Variants in ARMC2 observed in about 807,000 individuals in gnomAD.
ARMC2 encodes armadillo repeat containing 2, also known as armadillo repeat-containing protein 2.
ARMC2 carries 67 observed loss-of-function variants against 90.3 expected under a neutral mutation model. That is an observed-to-expected ratio of 0.74 (90% CI 0.61 to 0.91). ARMC2 has a LOEUF of 0.91. ARMC2 is among the 40% of genes least tolerant of loss of function. The pLI is 0.00. For synonymous variants in ARMC2, 393 were observed against 393.0 expected (o/e 1.00, Z 0.00); for missense variants, 920 against 1,030.9 (o/e 0.89, Z 1.47).
At position 108,893,463 on chromosome 6, in the gene ARMC2, C is replaced by T. The variant is rs180717961; in HGVS notation, c.672-1004C>T. ...GGACAGTTTCTTTATCTGCAGGGAT[C>T]GGGGAAGGGAGGAAGAGAGAAAAAG... On this transcript the variant is annotated intron_variant, in intron 5 of 17. Coordinates refer to ENST00000392644, the MANE Select transcript of ARMC2 (RefSeq NM_032131.6). Among the ~76,000 whole-genome samples the T allele has an allele frequency of 4.2e-3, 633 of 152,202 alleles. 3 individuals are homozygous for T. The highest frequency in any genetic ancestry group is 0.014 in the African/African-American group (593 of 41,520).
In ARMC2 at chr6:108,961,710, G is replaced by T. The variant is rs746962220; in HGVS notation, c.2038+16G>T. ...ATTGCTGAATGTAAGGTTCAGAGTT[G>T]GATTTGGATAAATGAGTGCTCATTT... is the stretch of plus-strand genomic sequence containing the variant. On this transcript the variant is annotated intron_variant, in intron 14 of 17. Coordinates refer to ENST00000392644, the MANE Select transcript of ARMC2 (RefSeq NM_032131.6). 3.2e-6 allele frequency: 5 copies of T among 1,576,418 alleles called. No individual in the cohort carries two copies. Among genetic ancestry groups the T allele is most frequent in the South Asian group, 1.2e-5 (1 of 86,662 alleles).
At chr6:108,932,669 T>C (rs2356721) in intron 11 of ARMC2, among the ~76,000 whole-genome samples, 37,655 of 150,614 alleles carry the variant, frequency 0.25, 5,117 homozygotes, top group East Asian at 0.4. Context: ...GCTGGGACTA[T>C]AGGTGCCCAC....
chr6:108,899,875 C>A, intron 7 of ARMC2, 83 bp downstream of exon 7: 5 of 1,008,206 alleles, frequency 5.0e-6, no homozygotes, highest in South Asian at 4.6e-5. Flanking sequence ...TTCCCCATTG[C>A]CCTGATATTT....
At chr6:108,996,487 A>G in the ARMC2 span, among the ~76,000 whole-genome samples, 4 of 152,266 alleles carry the variant, frequency 2.6e-5, no homozygotes, top group East Asian at 7.7e-4. Context: ...TCTGTCACTA[A>G]TTTATTTTGT....
intron 11 of ARMC2, among the ~76,000 whole-genome samples, chr6:108,936,468 C>A (rs1199116750): frequency 6.6e-6 from 1 of 152,104 alleles, no homozygotes; most frequent in Non-Finnish European, 1.5e-5. Flanking sequence ...GTTGGCCAGG[C>A]TCGTCTTGAG....
At chr6:108,871,404 G>T (rs759876564) in intron 4 of ARMC2, among the ~76,000 whole-genome samples, 1 of 152,082 alleles carries the variant, frequency 6.6e-6, no homozygotes, top group Non-Finnish European at 1.5e-5. Context: ...CCCGAGTCCC[G>T]TGTCAGCTCA....
intron 4 of ARMC2, among the ~76,000 whole-genome samples, chr6:108,870,924 A>C (rs1445578822): frequency 6.6e-6 from 1 of 152,214 alleles, no homozygotes; most frequent in Non-Finnish European, 1.5e-5. Context: ...AGTGCTGATG[A>C]ATGCTCTGAA....
chr6:108,964,127 C>T, intron 15 of ARMC2, 53 bp from the exon 16 acceptor site: 1 of 1,579,090 alleles, frequency 6.3e-7, no homozygotes, highest in South Asian at 1.2e-5. Context: ...AAACAAGAGA[C>T]AGCTGGGAAT....
the ARMC2 span, among the ~76,000 whole-genome samples, chr6:108,983,417 G>C: frequency 3.6e-4 from 55 of 151,984 alleles, no homozygotes; most frequent in African/African-American, 1.3e-3. Flanking sequence ...CTTACATTTA[G>C]GTCTTTGAGT....
At chr6:108,963,707 TG>T (rs1208786453) in intron 15 of ARMC2, among the ~76,000 whole-genome samples, 2 of 152,228 alleles carry the variant, frequency 1.3e-5, no homozygotes, top group Non-Finnish European at 2.9e-5. Context: ...CTGGAAGGCC[TG>T]CCTTGCCCCA....
chr6:108,855,510 C>G (rs1774479201), intron 2 of ARMC2, among the ~76,000 whole-genome samples: 1 of 152,182 alleles, frequency 6.6e-6, no homozygotes, highest in African/African-American at 2.4e-5. Context: ...CTCTGCCTCC[C>G]AAAGTGCTGG....
intron 10 of ARMC2, 48 bp from the exon 11 acceptor site, chr6:108,928,040 A>G: frequency 6.5e-7 from 1 of 1,542,256 alleles, no homozygotes. Context: ...TCGTGTGGTT[A>G]TATTTTTTCA....
the ARMC2 span, among the ~76,000 whole-genome samples, chr6:109,047,371 C>T: frequency 7.3e-6 from 1 of 137,876 alleles, no homozygotes; most frequent in Non-Finnish European, 1.6e-5. Flanking sequence ...GCCCGGCCAG[C>T]CGCCCCGTCC....
At chr6:108,860,937 A>G (rs551716807) in intron 3 of ARMC2, among the ~76,000 whole-genome samples, 5 of 152,330 alleles carry the variant, frequency 3.3e-5, no homozygotes, top group Non-Finnish European at 7.4e-5. Context: ...TAAATATTCA[A>G]TTAACATCCA....
At chr6:108,969,278 T>A (rs1778594620) in intron 17 of ARMC2, among the ~76,000 whole-genome samples, 1 of 152,168 alleles carries the variant, frequency 6.6e-6, no homozygotes, top group African/African-American at 2.4e-5. Flanking sequence ...CGATGATAAA[T>A]CCCTTAAACA....
chr6:108,884,418 G>A (rs1777881132), intron 5 of ARMC2, among the ~76,000 whole-genome samples: 1 of 152,172 alleles, frequency 6.6e-6, no homozygotes, highest in Non-Finnish European at 1.5e-5. Flanking sequence ...CTCAAATGCT[G>A]GAGGAAAGAA....
intron 4 of ARMC2, among the ~76,000 whole-genome samples, chr6:108,870,703 T>G (rs1477717213): frequency 6.6e-6 from 1 of 152,150 alleles, no homozygotes. Context: ...CATGCTGTGA[T>G]GCCATGACCA....
At chr6:108,869,690 G>A (rs953704777) in intron 4 of ARMC2, among the ~76,000 whole-genome samples, 5 of 152,152 alleles carry the variant, frequency 3.3e-5, no homozygotes, top group Admixed American at 2.0e-4. Context: ...TTCTGATCCC[G>A]TGTGAGCATG....
At chr6:109,008,904 T>C in the ARMC2 span, 1 of 986,838 alleles carries the variant, frequency 1.0e-6, no homozygotes, top group Non-Finnish European at 1.2e-6. Context: ...CTCTTTTAAG[T>C]AGGAGGCAAA....
Sources: allele counts gnomAD v4.1 joint callset (sites outside exome capture counted in the v4.1 genomes callset), GRCh38; gene constraint gnomAD v4.1.1; transcripts MANE v1.5; gene names NCBI Gene and HGNC (gene_info 2026-07-23, HGNC 2026-07-21).